The following KCND2 variants were observed in gnomAD, a reference collection of about 807,000 sequenced individuals.
The protein encoded by KCND2 is A-type voltage-gated potassium channel KCND2.
KCND2 carries 16 observed loss-of-function variants against 54.4 expected under a neutral mutation model. The observed-to-expected ratio is 0.29, with a 90% confidence interval of 0.20 to 0.45. The LOEUF is 0.45. Among genes scored for constraint, KCND2 ranks in the 20% least tolerant of loss-of-function variants. The probability of loss-of-function intolerance (pLI) is 1.00; values close to 1 mark genes in which losing one functional copy is unlikely to be tolerated. For missense variants in KCND2, 486 were observed against 824.2 expected, an observed-to-expected ratio of 0.59 and a Z score of 5.02; for synonymous variants, 317 against 310.7, an observed-to-expected ratio of 1.02 and a Z score of -0.21.
At chr7:120,474,553 G>A (rs1223252597) in intron 1 of KCND2, among the ~76,000 whole-genome samples, 6 of 149,784 alleles carry the variant, frequency 4.0e-5, no homozygotes, top group African/African-American at 1.2e-4. Flanking sequence ...TGGTAGAGAC[G>A]GTGTTTCACC....
chr7:120,498,997 G>A (rs1054455049), intron 1 of KCND2, among the ~76,000 whole-genome samples: 18 of 151,906 alleles, frequency 1.2e-4, no homozygotes, highest in Admixed American at 1.1e-3. Context: ...ATAATATTCC[G>A]TTCATAGGAA....
At chr7:120,691,323 C>T (rs549976478) in intron 1 of KCND2, among the ~76,000 whole-genome samples, 1 of 152,192 alleles carries the variant, frequency 6.6e-6, no homozygotes, top group Admixed American at 6.5e-5. Context: ...AGGCAGAGCA[C>T]TCAGGAGGCT....
intron 1 of KCND2, among the ~76,000 whole-genome samples, chr7:120,571,065 G>A (rs1341322716): frequency 1.3e-5 from 2 of 152,138 alleles, no homozygotes; most frequent in East Asian, 3.8e-4. Context: ...GTAGCCCTCA[G>A]CTTCCCACAA....
intron 1 of KCND2, among the ~76,000 whole-genome samples, chr7:120,658,359 C>T (rs908404029): frequency 4.6e-5 from 7 of 152,068 alleles, no homozygotes; most frequent in African/African-American, 1.2e-4. Context: ...AAAACAGATT[C>T]GTTATTTCAT....
chr7:120,593,155 C>G (rs1286960541), intron 1 of KCND2, among the ~76,000 whole-genome samples: 1 of 152,114 alleles, frequency 6.6e-6, no homozygotes, highest in Non-Finnish European at 1.5e-5. Context: ...TAGCTCAGCA[C>G]TAACACAAAA....
At chr7:120,354,388 A>T (rs1223196035) in intron 1 of KCND2, among the ~76,000 whole-genome samples, 3 of 152,234 alleles carry the variant, frequency 2.0e-5, no homozygotes, top group Non-Finnish European at 4.4e-5. Flanking sequence ...AATATTTTAC[A>T]CATGTCCAAT....
intron 1 of KCND2, among the ~76,000 whole-genome samples, chr7:120,665,611 A>C (rs910609045): frequency 9.2e-5 from 14 of 151,982 alleles, no homozygotes; most frequent in African/African-American, 3.4e-4. Flanking sequence ...AAACAACATA[A>C]AATTAGTTAA....
intron 1 of KCND2, among the ~76,000 whole-genome samples, chr7:120,561,889 G>A (rs1792239567): frequency 6.6e-6 from 1 of 152,126 alleles, no homozygotes. Context: ...TGGGATTACA[G>A]GCATTCGCCA....
chr7:120,734,952 G>A (rs1194496214), intron 2 of KCND2, among the ~76,000 whole-genome samples: 1 of 151,986 alleles, frequency 6.6e-6, no homozygotes, highest in Non-Finnish European at 1.5e-5. Context: ...GTAAGTCTTT[G>A]GAAAGTTCTA....
intron 1 of KCND2, among the ~76,000 whole-genome samples, chr7:120,321,973 T>C (rs558974245): frequency 6.6e-6 from 1 of 151,976 alleles, no homozygotes; most frequent in African/African-American, 2.4e-5. Flanking sequence ...AATGAGAAAA[T>C]ATGAGTAGGA....
rs1357380417 is a variant in KCND2, at chr7:120,324,503, C to T, written c.1115+48756C>T. ...AAGGTGTAAGGAAGGGATCCAGTTT[C>T]AGCTTTCTACATAAGGCTAGCCAGT... is the stretch of plus-strand genomic sequence containing the variant. On this transcript the variant is annotated intron_variant, in intron 1 of 5. Coordinates refer to ENST00000331113, the MANE Select transcript of KCND2 (RefSeq NM_012281.3). Among the ~76,000 whole-genome samples, 3 of 149,940 alleles carry T rather than the reference C, an allele frequency of 2.0e-5. No homozygotes were observed. The Admixed American group carries it at 2.0e-4, about 10-fold the overall frequency.
intron 1 of KCND2, among the ~76,000 whole-genome samples, chr7:120,433,450 C>T (rs546898358): frequency 1.2e-4 from 18 of 152,178 alleles, no homozygotes; most frequent in Non-Finnish European, 1.9e-4. Flanking sequence ...ATGATCTGGC[C>T]ATTTTGGCCC....
At chr7:120,683,693 T>C (rs765284423) in intron 1 of KCND2, among the ~76,000 whole-genome samples, 30 of 152,092 alleles carry the variant, frequency 2.0e-4, no homozygotes, top group Admixed American at 4.6e-4. Context: ...GTATACTCAA[T>C]GACCAGATCA....
chr7:120,562,032 C>A (rs1792241812), intron 1 of KCND2, among the ~76,000 whole-genome samples: 1 of 152,142 alleles, frequency 6.6e-6, no homozygotes. Flanking sequence ...AAAAGATGGT[C>A]AGTTTCTTTA....
At chr7:120,636,360 A>G (rs1004822050) in intron 1 of KCND2, among the ~76,000 whole-genome samples, 2 of 152,064 alleles carry the variant, frequency 1.3e-5, no homozygotes, top group African/African-American at 4.8e-5. Flanking sequence ...TCCCATTACT[A>G]TTATGATAAG....
At chr7:120,515,301 A>G (rs1803180277) in intron 1 of KCND2, among the ~76,000 whole-genome samples, 1 of 151,984 alleles carries the variant, frequency 6.6e-6, no homozygotes, top group Non-Finnish European at 1.5e-5. Flanking sequence ...GCCCTCCCTG[A>G]TCTCTCCATC....
chr7:120,738,871 T>C (rs573701827), intron 2 of KCND2, among the ~76,000 whole-genome samples: 24 of 152,174 alleles, frequency 1.6e-4, no homozygotes, highest in African/African-American at 5.5e-4. Context: ...TCATGAAGGC[T>C]AGCATTCAAC....
chr7:120,661,351 G>A (rs534228506), intron 1 of KCND2, among the ~76,000 whole-genome samples: 1 of 152,108 alleles, frequency 6.6e-6, no homozygotes, highest in East Asian at 1.9e-4. Flanking sequence ...ACTCACCTCA[G>A]TAAAAGAAAA....
chr7:120,391,680 T>G (rs1388744140), intron 1 of KCND2, among the ~76,000 whole-genome samples: 1 of 135,286 alleles, frequency 7.4e-6, no homozygotes, highest in Non-Finnish European at 1.5e-5. Context: ...ATGATGAGCT[T>G]TTTTTTCATG....
Sources: allele counts gnomAD v4.1 joint callset (sites outside exome capture counted in the v4.1 genomes callset), GRCh38; gene constraint gnomAD v4.1.1; transcripts MANE v1.5; gene names NCBI Gene and HGNC (gene_info 2026-07-23, HGNC 2026-07-21).